Variants in MIPEP observed in about 807,000 individuals in gnomAD.
MIPEP encodes the protein mitochondrial intermediate peptidase.
MIPEP carries 79 observed loss-of-function variants against 90.3 expected under a neutral mutation model. That is an observed-to-expected ratio of 0.87 (90% CI 0.73 to 1.05). The LOEUF (loss-of-function observed/expected upper bound fraction) is 1.05, where lower values mean the gene tolerates loss of function less well. Among genes scored for constraint, MIPEP ranks in the 50% least tolerant of loss-of-function variants. MIPEP has a pLI of 0.00. For missense variants in MIPEP, 940 were observed against 905.6 expected (o/e 1.04, Z -0.49); for synonymous variants, 334 against 315.8 (o/e 1.06, Z -0.61).
At chr13:23,760,829 A>G (rs1166467600) in intron 16 of MIPEP, among the ~76,000 whole-genome samples, 6 of 152,236 alleles carry the variant, frequency 3.9e-5, no homozygotes. Context: ...CTTCTTCATT[A>G]AGTGAGTTTA....
At chr13:23,794,462 G>A (rs1032593932) in intron 16 of MIPEP, among the ~76,000 whole-genome samples, 9 of 152,110 alleles carry the variant, frequency 5.9e-5, no homozygotes, top group Non-Finnish European at 1.2e-4. Context: ...CCCTGTGTCC[G>A]GCTCTCATTC....
intron 2 of MIPEP, among the ~76,000 whole-genome samples, chr13:23,883,742 G>A (rs1200633440): frequency 2.0e-5 from 3 of 152,266 alleles, no homozygotes; most frequent in South Asian, 2.1e-4. Context: ...GAGGGTTGAC[G>A]ATACAGTGAA....
chr13:23,882,112 C>T (rs1405394677), intron 2 of MIPEP, among the ~76,000 whole-genome samples: 3 of 150,400 alleles, frequency 2.0e-5, no homozygotes, highest in South Asian at 4.2e-4. Flanking sequence ...CTCCGTCGCC[C>T]AGGCTGGAGT....
intron 18 of MIPEP, among the ~76,000 whole-genome samples, chr13:23,755,170 G>A (rs1196767750): frequency 6.6e-6 from 1 of 152,200 alleles, no homozygotes; most frequent in Non-Finnish European, 1.5e-5. Flanking sequence ...AATGATGGCT[G>A]TGTCAGCATG....
At chr13:23,824,264 A>G (rs1248968952) in intron 14 of MIPEP, among the ~76,000 whole-genome samples, 1 of 152,238 alleles carries the variant, frequency 6.6e-6, no homozygotes, top group African/African-American at 2.4e-5. Flanking sequence ...CATTACATTA[A>G]AAGTTTGGTA....
intron 16 of MIPEP, among the ~76,000 whole-genome samples, chr13:23,767,412 CT>C (rs1952602293): frequency 6.6e-6 from 1 of 151,812 alleles, no homozygotes; most frequent in Admixed American, 6.6e-5. Flanking sequence ...AAAGATATAC[CT>C]TGTGTCTTTG....
At chr13:23,751,067 A>G (rs1024213086) in intron 18 of MIPEP, among the ~76,000 whole-genome samples, 5 of 152,120 alleles carry the variant, frequency 3.3e-5, no homozygotes, top group African/African-American at 7.2e-5. Flanking sequence ...TGTAAACCCA[A>G]TTTCTGGGTG....
In MIPEP at chr13:23,757,069, T is replaced by C. The variant is rs145398204; in HGVS notation, c.1971-451A>G. 7.1e-4 allele frequency among the ~76,000 whole-genome samples: 108 copies of C among 152,252 alleles called. 1 individual carries two copies. The highest frequency in any genetic ancestry group is 2.4e-3 in the African/African-American group (100 of 41,556). ...TTACATTATACATTGTAATATATAG[T>C]GAAATGATTATACAACTCACCATAA... On this transcript the variant is annotated intron_variant, in intron 17 of 18. Transcript: ENST00000382172.
At chr13:23,756,408 G>A (rs1193529561) in intron 18 of MIPEP, 137 bp downstream of exon 18, 3 of 837,130 alleles carry the variant, frequency 3.6e-6, no homozygotes, top group South Asian at 1.5e-5. Flanking sequence ...ACCCTCCTTG[G>A]GGCCTCCCAA....
At chr13:23,750,438 G>C (rs924010804) in intron 18 of MIPEP, among the ~76,000 whole-genome samples, 1 of 152,170 alleles carries the variant, frequency 6.6e-6, no homozygotes, top group African/African-American at 2.4e-5. Context: ...GTACTGCTTA[G>C]GCAGTTTGCA....
intron 10 of MIPEP, among the ~76,000 whole-genome samples, chr13:23,844,278 C>T (rs914542846): frequency 6.6e-6 from 1 of 152,066 alleles, no homozygotes; most frequent in African/African-American, 2.4e-5. Flanking sequence ...GAAAGGAGTG[C>T]ATGGAAAGAG....
At chr13:23,888,577 G>A (rs1871627207) in intron 1 of MIPEP, 1 of 404,408 alleles carries the variant, frequency 2.5e-6, no homozygotes. Flanking sequence ...TGGGAAGTGA[G>A]ACTCGTCTCA....
intron 4 of MIPEP, among the ~76,000 whole-genome samples, chr13:23,876,889 G>T (rs1225313357): frequency 1.3e-5 from 2 of 151,820 alleles, no homozygotes; most frequent in South Asian, 4.2e-4. Context: ...TACCCCAAAT[G>T]GTTATCCATT....
intron 18 of MIPEP, among the ~76,000 whole-genome samples, chr13:23,747,326 C>T: frequency 6.6e-6 from 1 of 152,192 alleles, no homozygotes; most frequent in African/African-American, 2.4e-5. Flanking sequence ...TAGGCGGGAT[C>T]TCTTGATGCC....
intron 18 of MIPEP, among the ~76,000 whole-genome samples, chr13:23,733,276 C>T (rs1952224921): frequency 7.0e-6 from 1 of 142,942 alleles, no homozygotes; most frequent in Non-Finnish European, 1.6e-5. Flanking sequence ...AGAAACTTAA[C>T]AGATTGGGCC....
intron 16 of MIPEP, among the ~76,000 whole-genome samples, chr13:23,802,227 G>C (rs7990751): frequency 6.6e-6 from 1 of 152,058 alleles, no homozygotes; most frequent in African/African-American, 2.4e-5. Flanking sequence ...GTTATTTTAC[G>C]TCATTTTTTG....
chr13:23,810,515 A>G (rs1246125543), intron 14 of MIPEP, among the ~76,000 whole-genome samples: 1 of 152,228 alleles, frequency 6.6e-6, no homozygotes, highest in African/African-American at 2.4e-5. Context: ...GCCTAACCCT[A>G]TAACATACAG....
intron 16 of MIPEP, among the ~76,000 whole-genome samples, chr13:23,802,227 G>A (rs7990751): frequency 0.016 from 2,408 of 152,170 alleles, 33 homozygotes; most frequent in African/African-American, 0.026. Context: ...GTTATTTTAC[G>A]TCATTTTTTG....
chr13:23,755,999 C>G (rs945367964), intron 18 of MIPEP, among the ~76,000 whole-genome samples: 1 of 151,798 alleles, frequency 6.6e-6, no homozygotes, highest in Non-Finnish European at 1.5e-5. Flanking sequence ...AAAAATTTTT[C>G]TATTAGAGTA....
Sources: gnomAD v4.1 joint callset for allele counts (sites outside exome capture counted in the v4.1 genomes callset) on GRCh38, gnomAD v4.1.1 for gene constraint, MANE v1.5 for transcripts, NCBI Gene and HGNC (gene_info 2026-07-23, HGNC 2026-07-21) for gene names.